The following CDH18 variants were observed in gnomAD, a reference collection of about 807,000 sequenced individuals.
CDH18 encodes cadherin 18.
In CDH18, 31 loss-of-function variants were observed where a neutral mutation model predicts 67.9. That is an observed-to-expected ratio of 0.46 (90% CI 0.34 to 0.62). The LOEUF is 0.62. Among genes scored for constraint, CDH18 ranks in the 20% least tolerant of loss-of-function variants. The probability of loss-of-function intolerance (pLI) is 0.01; values close to 1 mark genes in which losing one functional copy is unlikely to be tolerated. For missense variants in CDH18, 890 were observed against 975.5 expected (o/e 0.91, Z 1.17); for synonymous variants, 362 against 347.2 (o/e 1.04, Z -0.48).
intron 2 of CDH18, among the ~76,000 whole-genome samples, chr5:19,908,532 G>T (rs1790770202): frequency 6.6e-6 from 1 of 152,080 alleles, no homozygotes; most frequent in Admixed American, 6.6e-5. Context: ...AAAATAATTT[G>T]TATAGTTTTA....
chr5:19,901,257 C>T (rs912704108), intron 2 of CDH18, among the ~76,000 whole-genome samples: 5 of 151,764 alleles, frequency 3.3e-5, no homozygotes, highest in African/African-American at 9.7e-5. Context: ...GTTTTAAATG[C>T]CATTGATAAT....
chr5:20,326,634 G>A (rs1321038102), intron 1 of CDH18, among the ~76,000 whole-genome samples: 2 of 151,592 alleles, frequency 1.3e-5, no homozygotes, highest in South Asian at 2.1e-4. Context: ...CGCCTCCCGG[G>A]TTCACGCCAT....
At chr5:19,675,348 T>G (rs901529459) in intron 5 of CDH18, among the ~76,000 whole-genome samples, 1 of 151,954 alleles carries the variant, frequency 6.6e-6, no homozygotes, top group Non-Finnish European at 1.5e-5. Flanking sequence ...GGCAGGAATT[T>G]CCTAGTCCTA....
At chr5:19,586,808 A>G (rs186458817) in intron 7 of CDH18, among the ~76,000 whole-genome samples, 16 of 152,268 alleles carry the variant, frequency 1.1e-4, no homozygotes, top group African/African-American at 3.8e-4. Flanking sequence ...CGGTTGAACT[A>G]ATTTACACTT....
intron 10 of CDH18, among the ~76,000 whole-genome samples, chr5:19,511,644 G>A (rs1469365590): frequency 6.6e-6 from 1 of 152,116 alleles, no homozygotes; most frequent in Non-Finnish European, 1.5e-5. Context: ...AGGGATCTGT[G>A]AAACTTTGAA....
rs1580216486 is a variant in CDH18, at chr5:19,561,203, G to A, written c.1253+10376C>T. Among the ~76,000 whole-genome samples, 8 of 152,204 alleles carry A rather than the reference G, an allele frequency of 5.3e-5. No homozygotes were observed. The South Asian group carries it at 1.7e-3, about 32-fold the overall frequency. On this transcript the variant is annotated intron_variant, in intron 8 of 12. Coordinates refer to ENST00000382275, the MANE Select transcript of CDH18 (RefSeq NM_004934.5). ...AAGGCATTATACAAAAAAGATACCTGCGAAGGTATGTTTATAGCAGCACAA... is the reference window on the plus strand; with the variant it reads ...AAGGCATTATACAAAAAAGATACCTACGAAGGTATGTTTATAGCAGCACAA...
At chr5:19,742,734 A>T (rs1014411089) in intron 4 of CDH18, among the ~76,000 whole-genome samples, 2 of 146,816 alleles carry the variant, frequency 1.4e-5, no homozygotes, top group Non-Finnish European at 1.5e-5. Flanking sequence ...AAGTGCATTT[A>T]CTCTCTCTCT....
chr5:20,150,696 A>G (rs1751027660), intron 2 of CDH18, among the ~76,000 whole-genome samples: 1 of 151,996 alleles, frequency 6.6e-6, no homozygotes, highest in Non-Finnish European at 1.5e-5. Context: ...TGAAGACTGA[A>G]TAGCTGCCTA....
chr5:19,913,928 G>C (rs908650705), intron 2 of CDH18, among the ~76,000 whole-genome samples: 1 of 152,038 alleles, frequency 6.6e-6, no homozygotes, highest in African/African-American at 2.4e-5. Context: ...ATGTGCAGTG[G>C]AATAACTATG....
At chr5:20,501,602 A>ATAT (rs1554010582) in intron 1 of CDH18, among the ~76,000 whole-genome samples, 1 of 79,170 alleles carries the variant, frequency 1.3e-5, no homozygotes, top group Non-Finnish European at 2.5e-5. Context: ...TATTATATAT[A>ATAT]TATATATATA....
chr5:20,242,467 T>A (rs1245848250), intron 2 of CDH18, among the ~76,000 whole-genome samples: 1 of 151,154 alleles, frequency 6.6e-6, no homozygotes, highest in Non-Finnish European at 1.5e-5. Flanking sequence ...TGAGATCATA[T>A]GATATTTGTC....
At position 20,016,091 on chromosome 5, in the gene CDH18, C is replaced by CA. The variant is rs1737852179; in HGVS notation, c.-517-24078dup. Among the ~76,000 whole-genome samples the CA allele has an allele frequency of 2.6e-5, 4 of 151,950 alleles. No individual in the cohort carries two copies. The South Asian group carries it at 8.3e-4, about 31-fold the overall frequency. Reference sequence around the variant, plus strand: ...TACCCATCAATAGCAGACTGGATAACAAAAATGTGGTACTTATACACCATA... The same window carrying CA: ...TACCCATCAATAGCAGACTGGATAACAAAAAATGTGGTACTTATACACCATA... On this transcript the variant is annotated intron_variant, in intron 2 of 14. Transcript: ENST00000507958.
intron 2 of CDH18, among the ~76,000 whole-genome samples, chr5:19,883,340 C>T (rs1173582542): frequency 6.6e-6 from 1 of 152,104 alleles, no homozygotes; most frequent in African/African-American, 2.4e-5. Context: ...TAGAGTAGCA[C>T]TCAAGTCACT....
At chr5:19,958,923 T>C (rs1561632154) in intron 2 of CDH18, among the ~76,000 whole-genome samples, 1 of 152,126 alleles carries the variant, frequency 6.6e-6, no homozygotes, top group South Asian at 2.1e-4. Flanking sequence ...CTGACCATTC[T>C]GCTAGGTATC....
intron 2 of CDH18, among the ~76,000 whole-genome samples, chr5:20,114,178 C>T (rs930631002): frequency 6.6e-6 from 1 of 152,220 alleles, no homozygotes; most frequent in Admixed American, 6.5e-5. Context: ...GTTGAAGTTA[C>T]ATTAGACATT....
At chr5:20,242,514 C>T (rs894575575) in intron 2 of CDH18, among the ~76,000 whole-genome samples, 1 of 149,030 alleles carries the variant, frequency 6.7e-6, no homozygotes, top group Non-Finnish European at 1.5e-5. Context: ...TACTGTCTCT[C>T]AGATTCATCC....
At chr5:20,390,530 A>G (rs528666227) in intron 1 of CDH18, among the ~76,000 whole-genome samples, 1 of 152,282 alleles carries the variant, frequency 6.6e-6, no homozygotes, top group Admixed American at 6.5e-5. Context: ...ACACTTTTAC[A>G]CTGTTGGTGG....
chr5:19,967,299 T>C (rs938765033), intron 2 of CDH18, among the ~76,000 whole-genome samples: 1 of 152,086 alleles, frequency 6.6e-6, no homozygotes, highest in African/African-American at 2.4e-5. Context: ...TTTAGACTTT[T>C]GACCTTAAAG....
intron 2 of CDH18, among the ~76,000 whole-genome samples, chr5:20,123,378 T>C (rs1244287786): frequency 1.3e-5 from 2 of 152,186 alleles, no homozygotes; most frequent in Non-Finnish European, 2.9e-5. Flanking sequence ...GGCAATACTT[T>C]AGGCAGGCCT....
Sources: gnomAD v4.1 joint callset for allele counts (sites outside exome capture counted in the v4.1 genomes callset) on GRCh38, gnomAD v4.1.1 for gene constraint, MANE v1.5 for transcripts, NCBI Gene and HGNC (gene_info 2026-07-23, HGNC 2026-07-21) for gene names.